Variants in FBXW11 observed in about 807,000 individuals in gnomAD.
FBXW11 encodes the protein F-box and WD repeat domain containing 11.
A neutral mutation model predicts 77.6 loss-of-function variants in FBXW11; 19 were observed. The ratio of observed to expected loss-of-function variants is 0.24; its 90% CI spans 0.17 to 0.36. The LOEUF is 0.36. FBXW11 is among the 10% of genes least tolerant of loss of function. The pLI, the probability that FBXW11 is intolerant of heterozygous loss-of-function variation, is 1.00. For synonymous variants in FBXW11, 235 were observed against 249.4 expected (o/e 0.94, Z 0.54); for missense variants, 334 against 704.2 (o/e 0.47, Z 5.95).
intron 13 of FBXW11, chr5:171,867,725 G>C (rs1757500381): frequency 6.6e-6 from 1 of 152,104 alleles, no homozygotes. Flanking sequence ...GAAATTCAAT[G>C]AACAGGAAAA....
intron 3 of FBXW11, 79 bp from the exon 4 acceptor site, chr5:171,910,876 C>A (rs1032865364): frequency 9.6e-7 from 1 of 1,045,136 alleles, no homozygotes; most frequent in Non-Finnish European, 1.4e-6. Context: ...ATATTTTTCA[C>A]CCTGTGTATT....
chr5:171,960,487 C>A (rs900080256), intron 1 of FBXW11, among the ~76,000 whole-genome samples: 6 of 152,200 alleles, frequency 3.9e-5, no homozygotes, highest in African/African-American at 1.4e-4. Context: ...CAGGTTCCCT[C>A]TGCAAGGGTT....
At chr5:171,879,777 G>A (rs1398541616) in intron 7 of FBXW11, among the ~76,000 whole-genome samples, 1 of 152,116 alleles carries the variant, frequency 6.6e-6, no homozygotes, top group Admixed American at 6.5e-5. Flanking sequence ...TAAGGTCTAT[G>A]CCTTATTTTT....
At chr5:171,870,344 CA>C (rs1757678331) in intron 11 of FBXW11, among the ~76,000 whole-genome samples, 1 of 151,028 alleles carries the variant, frequency 6.6e-6, no homozygotes, top group Non-Finnish European at 1.5e-5. Context: ...TTCAATTTAC[CA>C]AAAAGGGAAA....
intron 2 of FBXW11, among the ~76,000 whole-genome samples, chr5:171,948,171 G>A (rs1011919984): frequency 1.4e-5 from 2 of 146,016 alleles, no homozygotes; most frequent in African/African-American, 5.1e-5. Flanking sequence ...GGAGGCAGAG[G>A]TTGCAGTGAG....
chr5:171,865,714 T>C (rs1028248964), intron 13 of FBXW11, among the ~76,000 whole-genome samples: 11 of 152,206 alleles, frequency 7.2e-5, no homozygotes, highest in Non-Finnish European at 1.3e-4. Flanking sequence ...TATTGTCTTG[T>C]AGTAAGAAAA....
At chr5:171,958,009 T>G (rs1763705635) in intron 1 of FBXW11, among the ~76,000 whole-genome samples, 1 of 152,348 alleles carries the variant, frequency 6.6e-6, no homozygotes, top group East Asian at 1.9e-4. Context: ...AAAACAAGAT[T>G]AGTGGTGAGA....
intron 1 of FBXW11, among the ~76,000 whole-genome samples, chr5:171,984,794 A>G (rs1362906029): frequency 6.6e-6 from 1 of 152,234 alleles, no homozygotes; most frequent in East Asian, 1.9e-4. Flanking sequence ...CGCACTATAA[A>G]TATTTACTTT....
rs200066002 is a variant in FBXW11, at chr5:172,006,110, G to GA, written c.45+347dup. On this transcript the variant is annotated intron_variant, in intron 1 of 13. Coordinates refer to ENST00000517395, the MANE Select transcript of FBXW11 (RefSeq NM_001378974.1). ...CGGGCCTGGGCCGAAACAGAGGAAA[G>GA]AAAAAAAAATCCCTTTCTAAAAGAA... 4.5e-3 allele frequency among the ~76,000 whole-genome samples: 674 copies of GA among 151,410 alleles called. 5 individuals are homozygous for GA. Among genetic ancestry groups the GA allele is most frequent in the East Asian group, 0.015 (78 of 5,150 alleles).
At chr5:171,916,130 C>T (rs750784191) in intron 2 of FBXW11, among the ~76,000 whole-genome samples, 3 of 151,366 alleles carry the variant, frequency 2.0e-5, no homozygotes, top group Non-Finnish European at 4.4e-5. Flanking sequence ...AGGAGATATA[C>T]CTAATGTAAA....
intron 1 of FBXW11, among the ~76,000 whole-genome samples, chr5:172,004,470 A>G (rs1300678353): frequency 6.6e-6 from 1 of 152,244 alleles, no homozygotes; most frequent in African/African-American, 2.4e-5. Context: ...TTAAGTTATA[A>G]GCATAGGAAG....
intron 1 of FBXW11, among the ~76,000 whole-genome samples, chr5:172,006,086 G>T (rs527453241): frequency 2.0e-5 from 3 of 152,162 alleles, no homozygotes; most frequent in Non-Finnish European, 4.4e-5. Context: ...AGCGCGGTGC[G>T]GGCCTGGGCC....
chr5:171,951,029 A>G (rs1763285124), intron 2 of FBXW11, among the ~76,000 whole-genome samples: 1 of 152,118 alleles, frequency 6.6e-6, no homozygotes, highest in African/African-American at 2.4e-5. Flanking sequence ...TCTTAGGGGG[A>G]AGGAAGGGAT....
intron 4 of FBXW11, among the ~76,000 whole-genome samples, chr5:171,906,390 A>C (rs1053249587): frequency 6.6e-5 from 10 of 152,240 alleles, no homozygotes; most frequent in African/African-American, 2.2e-4. Context: ...AAGTGAAAAG[A>C]AGCTCAGGTC....
In FBXW11 at chr5:171,876,251, G is replaced by T; in HGVS notation, c.1221+34C>A. The stretch of plus-strand genomic sequence containing the variant: ...TTTGTCTCTGTTCTAAAAGGGACAG[G>T]AACAGGTAGGGTTATGACTGCAGAC... On this transcript the variant is annotated intron_variant, in intron 9 of 13. Coordinates refer to ENST00000517395, the MANE Select transcript of FBXW11 (RefSeq NM_001378974.1). This position sits in a 1 kb window ranked among gnomAD's most constrained non-coding sequence, Gnocchi z 4.2. The T allele has an allele frequency of 1.2e-6, 2 of 1,611,546 alleles. No homozygotes were observed. The highest frequency in any genetic ancestry group is 2.2e-5 in the South Asian group (2 of 90,724).
At chr5:171,967,015 C>T (rs528196439) in intron 1 of FBXW11, among the ~76,000 whole-genome samples, 200 of 152,318 alleles carry the variant, frequency 1.3e-3, no homozygotes, top group African/African-American at 4.5e-3. Flanking sequence ...AAAATCCCTG[C>T]TTTCTTCCCT....
At chr5:171,952,190 C>T (rs1763354602) in intron 2 of FBXW11, among the ~76,000 whole-genome samples, 1 of 151,442 alleles carries the variant, frequency 6.6e-6, no homozygotes, top group Admixed American at 6.6e-5. Flanking sequence ...AATAACACTG[C>T]ACAATTTGAT....
intron 4 of FBXW11, among the ~76,000 whole-genome samples, chr5:171,901,000 A>G (rs762942618): frequency 6.6e-6 from 1 of 152,162 alleles, no homozygotes; most frequent in Non-Finnish European, 1.5e-5. Context: ...CTTCTCCCCA[A>G]GCTTATTCTG....
At position 171,876,413 on chromosome 5, in the gene FBXW11, C is replaced by G; in HGVS notation, c.1093G>C (p.Val365Leu). The change falls in exon 9 of 14, where the codon GTG (valine) becomes CTG (leucine). Residue 365 changes from valine (V) to leucine (L), a missense_variant. Physicochemically the swap from Val to Leu is conservative, Grantham distance 32. Coordinates refer to ENST00000517395, the MANE Select transcript of FBXW11 (RefSeq NM_001378974.1). The surrounding 1 kb of genome is among the most constrained non-coding windows in gnomAD (Gnocchi z 4.2). ...VTCSKDRSIA[V>L]WDMASATDIT... is the part of the protein sequence containing the mutation. ...TCGGTCGCAGAAGCCATGTCCCACA[C>G]AGCAATGGAGCGGTCCTTGGAACAG... 1 of 1,614,130 alleles carries G rather than the reference C, an allele frequency of 6.2e-7. No individual in the cohort carries two copies. The highest frequency in any genetic ancestry group is 8.5e-7 in the Non-Finnish European group (1 of 1,180,012).
Sources: gnomAD v4.1 joint callset for allele counts (sites outside exome capture counted in the v4.1 genomes callset) on GRCh38, gnomAD v4.1.1 for gene constraint, Gnocchi (gnomAD v3.1) non-coding constraint, MANE v1.5 for transcripts, NCBI Gene and HGNC (gene_info 2026-07-23, HGNC 2026-07-21) for gene names.